Variants in PPP2R3C observed in about 807,000 individuals in gnomAD.
PPP2R3C encodes protein phosphatase 2 regulatory subunit B''gamma.
A neutral mutation model predicts 63.7 loss-of-function variants in PPP2R3C; 47 were observed. The observed-to-expected ratio is 0.74, with a 90% CI of 0.58 to 0.94. PPP2R3C has a LOEUF of 0.94. Among genes scored for constraint, PPP2R3C ranks in the 40% least tolerant of loss-of-function variants. PPP2R3C has a pLI of 0.00. For missense variants in PPP2R3C, 421 were observed against 518.4 expected (o/e 0.81, Z 1.82); for synonymous variants, 180 against 177.4 (o/e 1.01, Z -0.12).
intron 1 of PPP2R3C, among the ~76,000 whole-genome samples, chr14:35,120,131 G>A (rs1047138468): frequency 6.6e-6 from 1 of 151,672 alleles, no homozygotes; most frequent in Non-Finnish European, 1.5e-5. Context: ...GAGCCACCGC[G>A]CCCGGCATCA....
In PPP2R3C at chr14:35,086,554, A is replaced by ATG. The variant is rs1284526975; in HGVS notation, c.1174-778_1174-777dup. 2.3e-5 allele frequency: 3 copies of ATG among 130,134 alleles called. No individual in the cohort carries two copies. The Admixed American group carries it at 2.3e-4, about 10-fold the overall frequency. The allele number at this position is 130,134 out of a possible 1,614,324, so 8.1% of individuals were successfully genotyped here. A position where few individuals can be genotyped will look rare whatever the true frequency, so the allele number is the denominator to read the frequency against. On this transcript the variant is annotated intron_variant, in intron 12 of 12. Transcript: ENST00000261475. ...CCCTTGTTGCCCAGGCTGGAGTGCAATGGTGTGATCTCGGCTCACCGCAAC... is the reference window on the plus strand; with the variant it reads ...CCCTTGTTGCCCAGGCTGGAGTGCAATGTGGTGTGATCTCGGCTCACCGCAAC...
rs189363023 is a variant in PPP2R3C at position 35,108,185 on chromosome 14, A to C, written c.456T>G (p.Tyr152Ter). 1.2e-5 allele frequency: 19 copies of C among 1,604,080 alleles called. No individual in the cohort carries two copies. The highest frequency in any genetic ancestry group is 1.7e-5 in the Admixed American group (1 of 57,760). Residue 152 changes from tyrosine to a stop codon, truncating the protein, a stop_gained, in exon 5 of 13, where the codon TAT (tyrosine) becomes TAG (stop). Coordinates refer to ENST00000261475, the MANE Select transcript of PPP2R3C (RefSeq NM_017917.4). LOFTEE classifies it high-confidence loss of function. ...VFAKLLHTDS[Y>*]GRISIMQFFN... The stretch of plus-strand genomic sequence containing the variant: ...AGAACTGCATGATGGAAATTCTTCC[A>C]TATGAATCTGTATGAAGGAGTTTAG...
At chr14:35,114,653 A>T (rs1595126885) in intron 2 of PPP2R3C, among the ~76,000 whole-genome samples, 1 of 151,974 alleles carries the variant, frequency 6.6e-6, no homozygotes, top group East Asian at 1.9e-4. Context: ...TATTTTTTTT[A>T]AATAGACAAA....
chr14:35,110,657 G>A (rs2138695928), intron 2 of PPP2R3C, 28 bp from the exon 3 acceptor site: 3 of 1,477,556 alleles, frequency 2.0e-6, no homozygotes, highest in Middle Eastern at 1.7e-4. Context: ...ATTTCTACAT[G>A]TAAATTTTAG....
intron 1 of PPP2R3C, among the ~76,000 whole-genome samples, chr14:35,119,210 G>C (rs2046791020): frequency 6.6e-6 from 1 of 152,006 alleles, no homozygotes; most frequent in Non-Finnish European, 1.5e-5. Flanking sequence ...GCTACTTTTT[G>C]TATTTTTAGT....
rs1163802630 is a variant in PPP2R3C, at chr14:35,110,574, A to T, written c.242T>A (p.Val81Asp). Reference sequence around the variant, plus strand: ...TTCTCTGCTTTTTCTTTGTAGAAAGACAGCTCTTGATTCCTCTCTTAATTT... The same window carrying T: ...TTCTCTGCTTTTTCTTTGTAGAAAGTCAGCTCTTGATTCCTCTCTTAATTT... ...LQKLREESRAVFLQRKSRELL... is the reference protein window; with the variant it reads ...LQKLREESRADFLQRKSRELL... Residue 81 changes from valine to aspartate, a missense_variant, in exon 3 of 13, where the codon GTC (valine) becomes GAC (aspartate). Physicochemically the swap from Val to Asp is radical, Grantham distance 152. This residue lies in a region of PPP2R3C where 143 missense variants were observed against 151.2 expected (regional missense o/e 0.95). Coordinates refer to ENST00000261475, the MANE Select transcript of PPP2R3C (RefSeq NM_017917.4). 6.2e-7 allele frequency: 1 copy of T among 1,612,700 alleles called. No individual in the cohort carries two copies. The highest frequency in any genetic ancestry group is 1.3e-5 in the African/African-American group (1 of 74,890).
chr14:35,110,517 G>C lies in PPP2R3C; in HGVS notation c.291+8C>G. ...AACATCTAAAGCAACTTTTTGCTTTGTTCTTACCTGTAATTCTTCATTATC... is the reference window on the plus strand; with the variant it reads ...AACATCTAAAGCAACTTTTTGCTTTCTTCTTACCTGTAATTCTTCATTATC... On this transcript the variant is annotated splice_region_variant and intron_variant, in intron 3 of 12. Transcript: ENST00000261475. The C allele has an allele frequency of 1.3e-6, 2 of 1,574,248 alleles. No individual in the cohort carries two copies. Among genetic ancestry groups the C allele is most frequent in the Admixed American group, 1.8e-5 (1 of 56,958 alleles).
upstream of PPP2R3C, chr14:35,122,207 G>C: frequency 1.9e-6 from 1 of 515,056 alleles, no homozygotes; most frequent in South Asian, 2.3e-5. Flanking sequence ...TCCTTCAGAG[G>C]CGACCCAAGC....
At chr14:35,090,869 C>T (rs2045788435) in intron 11 of PPP2R3C, among the ~76,000 whole-genome samples, 1 of 152,082 alleles carries the variant, frequency 6.6e-6, no homozygotes, top group South Asian at 2.1e-4. Context: ...GCACCCACCA[C>T]CACACCTGGC....
chr14:35,114,289 A>AT (rs763907854), intron 2 of PPP2R3C, among the ~76,000 whole-genome samples: 11 of 152,120 alleles, frequency 7.2e-5, no homozygotes, highest in Non-Finnish European at 1.3e-4. Flanking sequence ...GTTTAGCCAT[A>AT]TTTTTTCCTT....
At chr14:35,108,602 C>T (rs2046438207) in intron 4 of PPP2R3C, among the ~76,000 whole-genome samples, 1 of 151,718 alleles carries the variant, frequency 6.6e-6, no homozygotes, top group Non-Finnish European at 1.5e-5. Context: ...TATATTGGCC[C>T]AGCCAATATT....
intron 1 of PPP2R3C, among the ~76,000 whole-genome samples, chr14:35,119,767 AG>A (rs149439321): frequency 0.073 from 11,131 of 151,898 alleles, 731 homozygotes; most frequent in African/African-American, 0.18. Context: ...GGAGGCTGGA[AG>A]GAAGTCAGTG....
chr14:35,120,651 T>C (rs531826352), intron 1 of PPP2R3C, among the ~76,000 whole-genome samples: 2 of 152,062 alleles, frequency 1.3e-5, no homozygotes, highest in African/African-American at 2.4e-5. Flanking sequence ...AGAAGAATAG[T>C]GTAAAAGAGT....
intron 10 of PPP2R3C, 145 bp from the exon 11 acceptor site, chr14:35,091,352 T>TA: frequency 1.3e-6 from 1 of 747,436 alleles, no homozygotes; most frequent in Non-Finnish European, 2.0e-6. Flanking sequence ...TCCATTTATA[T>TA]ACTTAATATT....
In PPP2R3C at chr14:35,111,291, G is replaced by A. The variant is rs989156494; in HGVS notation, c.187-662C>T. ...TAGAAGAATTAAATGAGGATTAACT[G>A]GAGATTGACAATTTCAAAACCACCT... is the stretch of plus-strand genomic sequence containing the variant. On this transcript the variant is annotated intron_variant, in intron 2 of 12. Coordinates refer to ENST00000261475, the MANE Select transcript of PPP2R3C (RefSeq NM_017917.4). 2.8e-4 allele frequency among the ~76,000 whole-genome samples: 42 copies of A among 150,630 alleles called. 1 individual carries two copies. The highest frequency in any genetic ancestry group is 9.5e-4 in the African/African-American group (39 of 40,962).
intron 1 of PPP2R3C, among the ~76,000 whole-genome samples, chr14:35,118,814 C>T (rs547766700): frequency 2.2e-4 from 33 of 151,990 alleles, no homozygotes; most frequent in African/African-American, 3.4e-4. Flanking sequence ...CCACAATGCC[C>T]GGCTAAATTT....
At chr14:35,105,697 C>G (rs1204024691) in intron 6 of PPP2R3C, among the ~76,000 whole-genome samples, 1 of 152,086 alleles carries the variant, frequency 6.6e-6, no homozygotes, top group African/African-American at 2.4e-5. Flanking sequence ...AAAACCTGTT[C>G]CCTTTGCTCT....
At chr14:35,115,409 T>C (rs902882811) in intron 2 of PPP2R3C, among the ~76,000 whole-genome samples, 2 of 151,708 alleles carry the variant, frequency 1.3e-5, no homozygotes, top group African/African-American at 2.4e-5. Context: ...TCCTCCTGAT[T>C]TGATGGCCTC....
At chr14:35,113,470 C>T (rs150544170) in intron 2 of PPP2R3C, among the ~76,000 whole-genome samples, 14 of 152,194 alleles carry the variant, frequency 9.2e-5, no homozygotes, top group Non-Finnish European at 1.6e-4. Flanking sequence ...CCCGGAAGTA[C>T]AAGAAAGTTC....
Sources: gnomAD v4.1 joint callset for allele counts (sites outside exome capture counted in the v4.1 genomes callset) on GRCh38, gnomAD v4.1.1 for gene constraint, gnomAD v4.1.1 regional missense constraint, MANE v1.5 for transcripts, NCBI Gene and HGNC (gene_info 2026-07-23, HGNC 2026-07-21) for gene names.